The following S100A10 variants were observed in gnomAD, a reference collection of about 807,000 sequenced individuals.
S100A10 encodes S100 calcium binding protein A10.
Under a neutral mutation model 7.1 loss-of-function variants are expected in S100A10, and 3 were observed. That is an observed-to-expected ratio of 0.42 (90% confidence interval 0.19 to 1.10). The LOEUF (loss-of-function observed/expected upper bound fraction) is 1.10. Among genes scored for constraint, S100A10 ranks in the 50% least tolerant of loss-of-function variants. The pLI is 0.29. For missense variants in S100A10, 101 were observed against 118.1 expected, an observed-to-expected ratio of 0.86 and a Z score of 0.67; for synonymous variants, 41 against 39.3, an observed-to-expected ratio of 1.04 and a Z score of -0.16.
chr1:151,987,664 C>A (rs1004892189), intron 1 of S100A10, among the ~76,000 whole-genome samples: 1 of 151,712 alleles, frequency 6.6e-6, no homozygotes, highest in Non-Finnish European at 1.5e-5. Flanking sequence ...CTCAGCCTCC[C>A]GAGTAGCTGG....
intron 1 of S100A10, among the ~76,000 whole-genome samples, chr1:151,991,292 G>C (rs1300805779): frequency 1.3e-5 from 2 of 152,204 alleles, no homozygotes; most frequent in African/African-American, 4.8e-5. Flanking sequence ...GATCCAGGCT[G>C]TCTCTCTCAC....
intron 2 of S100A10, among the ~76,000 whole-genome samples, chr1:151,983,799 T>C (rs1572107355): frequency 6.6e-6 from 1 of 152,200 alleles, no homozygotes; most frequent in African/African-American, 2.4e-5. Flanking sequence ...CATATCATAT[T>C]AGCCACGTGA....
Position 151,987,697 on chromosome 1 carries a change from G to A in S100A10, c.-21-1446C>T, listed in dbSNP as rs529804811. Among the ~76,000 whole-genome samples, 10 of 152,058 alleles carry A rather than the reference G, an allele frequency of 6.6e-5. No homozygotes were observed. In the South Asian group the frequency reaches 1.7e-3, roughly 25 times the overall value. ...TGGGACTACAGGTGCCCGCCACCGC[G>A]CCCGACTAATTTTTTTGTATTTTTA... On this transcript the variant is annotated intron_variant, in intron 1 of 2. Transcript: ENST00000368811.
intron 1 of S100A10, among the ~76,000 whole-genome samples, chr1:151,990,752 G>T (rs945039272): frequency 1.3e-5 from 2 of 152,170 alleles, no homozygotes; most frequent in Non-Finnish European, 2.9e-5. Flanking sequence ...CCAGCTAATG[G>T]AATACTATTA....
intron 1 of S100A10, among the ~76,000 whole-genome samples, chr1:151,986,478 A>G (rs1157089165): frequency 1.3e-5 from 2 of 152,216 alleles, no homozygotes; most frequent in Non-Finnish European, 2.9e-5. Context: ...GCCACTCTTA[A>G]CTATTTGTCA....
intron 1 of S100A10, among the ~76,000 whole-genome samples, chr1:151,986,638 GT>G (rs1655796711): frequency 6.6e-6 from 1 of 152,156 alleles, no homozygotes; most frequent in Non-Finnish European, 1.5e-5. Context: ...CTATTCTTTA[GT>G]TCTATGAAAT....
chr1:151,986,094 C>G lies in S100A10; in HGVS notation c.132+5G>C. The G allele has an allele frequency of 6.3e-7, 1 of 1,587,416 alleles. No individual in the cohort carries two copies. Among genetic ancestry groups the G allele is most frequent in the Non-Finnish European group, 8.5e-7 (1 of 1,171,528 alleles). ...CTGGTTCTTTGTAAGCTTTTCAACA[C>G]TTACTTCCAAAAATCCAGGGAACTC... On this transcript the variant is annotated splice_donor_5th_base_variant and intron_variant, in intron 2 of 2. Transcript: ENST00000368811.
chr1:151,985,979 T>C (rs1655780773), intron 2 of S100A10, 120 bp downstream of exon 2: 5 of 722,932 alleles, frequency 6.9e-6, no homozygotes, highest in Admixed American at 2.9e-5. Flanking sequence ...GGTGACTACA[T>C]TCATTTATTC....
intron 1 of S100A10, among the ~76,000 whole-genome samples, chr1:151,992,053 A>G (rs1655916323): frequency 6.6e-6 from 1 of 152,218 alleles, no homozygotes; most frequent in South Asian, 2.1e-4. Context: ...TGAAGAAACT[A>G]TCCTCTGGCT....
rs199633700 is a variant in S100A10 at position 151,983,770 on chromosome 1, G to C, written c.133-446C>G. ...CAGCTCTCATTCTTGGCACAGCTGA[G>C]GACAAGCTAGTGTGGCTTCATATCA... On this transcript the variant is annotated intron_variant, in intron 2 of 2. Coordinates refer to ENST00000368811, the MANE Select transcript of S100A10 (RefSeq NM_002966.3). Among the ~76,000 whole-genome samples, 10 of 152,192 alleles carry C rather than the reference G, an allele frequency of 6.6e-5. No individual in the cohort carries two copies. In the East Asian group the frequency reaches 1.9e-3, roughly 29 times the overall value.
chr1:151,982,980 G>C lies in S100A10; in HGVS notation c.*183C>G. ...GATGCAAACAATACAAAAATCAAAA[G>C]CTTATCTGGTATTTAACTTTTCTTT... On this transcript the variant is annotated 3_prime_UTR_variant, in exon 3 of 3. Transcript: ENST00000368811. 4.4e-6 allele frequency: 2 copies of C among 456,052 alleles called. No homozygotes were observed. Among genetic ancestry groups the C allele is most frequent in the Non-Finnish European group, 3.9e-6 (1 of 259,006 alleles). 28.3% of individuals were successfully genotyped at this position (456,052 alleles called of 1,614,324 possible).
chr1:151,992,191 A>G (rs1034840937), intron 1 of S100A10, among the ~76,000 whole-genome samples: 1 of 152,186 alleles, frequency 6.6e-6, no homozygotes, highest in Non-Finnish European at 1.5e-5. Flanking sequence ...AACCCCTGGC[A>G]TTATCTTTTG....
intron 1 of S100A10, among the ~76,000 whole-genome samples, chr1:151,988,322 AAAAT>A (rs754269593): frequency 3.9e-5 from 6 of 152,202 alleles, no homozygotes; most frequent in South Asian, 2.1e-4. Flanking sequence ...CTAAAAAATA[AAAAT>A]AAATAATCAC....
At position 151,983,137 on chromosome 1, in the gene S100A10, G is replaced by C; in HGVS notation, c.*26C>G. 2 of 1,514,822 alleles carry C rather than the reference G, an allele frequency of 1.3e-6. No homozygotes were observed. The highest frequency in any genetic ancestry group is 2.7e-5 in the South Asian group (2 of 72,914). 93.8% of individuals were successfully genotyped at this position (1,514,822 alleles called of 1,614,324 possible). A position where few individuals can be genotyped will look rare whatever the true frequency, so the allele number is the denominator to read the frequency against. On this transcript the variant is annotated 3_prime_UTR_variant, in exon 3 of 3. Transcript: ENST00000368811. ...CGACCCTTTGGGACAACTCTTATCA[G>C]GGAGGAGCGAACTGCTCATTTCTGC...
chr1:151,990,119 C>T (rs72993625), intron 1 of S100A10, among the ~76,000 whole-genome samples: 3,785 of 152,292 alleles, frequency 0.025, 180 homozygotes, highest in African/African-American at 0.087. Context: ...TTACCCAGGA[C>T]TAGGCTGAAA....
At chr1:151,989,622 TG>T (rs776704607) in intron 1 of S100A10, among the ~76,000 whole-genome samples, 4 of 152,226 alleles carry the variant, frequency 2.6e-5, no homozygotes, top group Admixed American at 6.5e-5. Flanking sequence ...TCTGTTCTCT[TG>T]GCTAGAGGAT....
chr1:151,985,557 C>T (rs1655773252), intron 2 of S100A10, among the ~76,000 whole-genome samples: 1 of 152,104 alleles, frequency 6.6e-6, no homozygotes, highest in Admixed American at 6.5e-5. Context: ...GACACTGCTC[C>T]TTTGTAGTAT....
chr1:151,990,513 G>A (rs746980316), intron 1 of S100A10, among the ~76,000 whole-genome samples: 3 of 152,156 alleles, frequency 2.0e-5, no homozygotes, highest in Non-Finnish European at 4.4e-5. Context: ...TCTTAAGAAG[G>A]GAGGCGGAGA....
In S100A10 at chr1:151,983,023, G is replaced by C; in HGVS notation, c.*140C>G. ...TTTTCTTTCTCTGCTTGTCAAATGA[G>C]AGTTAGATTTTATTTTTACATTTGC... On this transcript the variant is annotated 3_prime_UTR_variant, in exon 3 of 3. Transcript: ENST00000368811. 1 of 526,866 alleles carries C rather than the reference G, an allele frequency of 1.9e-6. No individual in the cohort carries two copies. Among genetic ancestry groups the C allele is most frequent in the Non-Finnish European group, 3.2e-6 (1 of 314,782 alleles). The allele number at this position is 526,866 out of a possible 1,614,324, so 32.6% of individuals were successfully genotyped here.
Sources: gnomAD v4.1 joint callset for allele counts (sites outside exome capture counted in the v4.1 genomes callset) on GRCh38, gnomAD v4.1.1 for gene constraint, MANE v1.5 for transcripts, NCBI Gene and HGNC (gene_info 2026-07-23, HGNC 2026-07-21) for gene names.